Variants in IL2RB observed in about 807,000 individuals in gnomAD.
IL2RB encodes interleukin 2 receptor subunit beta.
IL2RB carries 17 observed loss-of-function variants against 44.2 expected under a neutral mutation model. The ratio of observed to expected loss-of-function variants is 0.38; its 90% CI spans 0.26 to 0.58. The LOEUF (loss-of-function observed/expected upper bound fraction) is 0.58. Among genes scored for constraint, IL2RB ranks in the 20% least tolerant of loss-of-function variants. IL2RB has a pLI of 0.63. For missense variants in IL2RB, 624 were observed against 685.5 expected (o/e 0.91, Z 1.00); for synonymous variants, 286 against 297.9 (o/e 0.96, Z 0.41).
intron 1 of IL2RB, among the ~76,000 whole-genome samples, chr22:37,165,652 G>A (rs760011709): frequency 6.6e-6 from 1 of 152,146 alleles, no homozygotes; most frequent in Non-Finnish European, 1.5e-5. Flanking sequence ...TTCAGGGCAG[G>A]CTTCATGGAG....
chr22:37,139,417 C>T (rs1018664666), intron 4 of IL2RB, among the ~76,000 whole-genome samples, 195 bp from the exon 5 acceptor site: 8 of 152,180 alleles, frequency 5.3e-5, no homozygotes, highest in East Asian at 3.9e-4. Context: ...GTCTCTGTCA[C>T]GATGACTCAA....
chr22:37,142,626 C>T (rs1249430476), intron 3 of IL2RB, 114 bp from the exon 4 acceptor site: 1 of 1,051,288 alleles, frequency 9.5e-7, no homozygotes, highest in Non-Finnish European at 1.5e-6. Flanking sequence ...CAAGGCCAGG[C>T]TGGGGCCCCT....
chr22:37,147,531 T>C (rs985808620), intron 1 of IL2RB, among the ~76,000 whole-genome samples: 7 of 152,226 alleles, frequency 4.6e-5, no homozygotes, highest in Admixed American at 1.3e-4. Flanking sequence ...GCCCAATGGC[T>C]TTATTATCCC....
Position 37,139,161 on chromosome 22 carries a change from C to T in IL2RB, c.344G>A (p.Arg115Gln), listed in dbSNP as rs375543770. Reference protein sequence around the residue: ...TLRVLCREGVRWRVMAIQDFK... With the variant: ...TLRVLCREGVQWRVMAIQDFK... ...GTCCTGGATGGCCATCACCCTCCATCGCACCCCCTCACGGCACAGCACCCT... is the reference window on the plus strand; with the variant it reads ...GTCCTGGATGGCCATCACCCTCCATTGCACCCCCTCACGGCACAGCACCCT... Residue 115 changes from arginine (R) to glutamine (Q), a missense_variant, in exon 5 of 10, where the codon CGA (arginine) becomes CAA (glutamine). By Grantham distance (43) the Arg-to-Gln change is conservative. Transcript: ENST00000216223. The T allele has an allele frequency of 3.4e-5, 55 of 1,613,908 alleles. No individual in the cohort carries two copies. The highest frequency in any genetic ancestry group is 4.5e-5 in the Non-Finnish European group (53 of 1,179,922).
At chr22:37,162,225 C>T (rs1457155489) in intron 1 of IL2RB, among the ~76,000 whole-genome samples, 1 of 152,166 alleles carries the variant, frequency 6.6e-6, no homozygotes, top group Non-Finnish European at 1.5e-5. Flanking sequence ...CCCGCCCCCA[C>T]GGTTTTCTGT....
chr22:37,163,561 C>A (rs1922956395), intron 1 of IL2RB, among the ~76,000 whole-genome samples: 3 of 152,330 alleles, frequency 2.0e-5, no homozygotes, highest in Non-Finnish European at 1.5e-5. Flanking sequence ...GGAAAGTCAT[C>A]CTCTGATTGG....
At chr22:37,150,116 A>ACT (rs1398960028), upstream of IL2RB, 5 of 153,744 alleles carry the variant, frequency 3.3e-5, no homozygotes, top group African/African-American at 4.9e-5. Context: ...ACACACACAC[A>ACT]CACACACACA....
In IL2RB at chr22:37,142,602, A is replaced by G. The variant is rs1306810415; in HGVS notation, c.204-90T>C. On this transcript the variant is annotated intron_variant, in intron 3 of 9. Transcript: ENST00000216223. ...CTTCTCAGATCTCTCTGCTGCCAGG[A>G]TGGCACCAGGCAGCAAGGCCAGGCT... 3.7e-6 allele frequency: 5 copies of G among 1,347,340 alleles called. No individual in the cohort carries two copies. In the African/African-American group the frequency reaches 7.2e-5, roughly 19 times the overall value. 83.5% of individuals were successfully genotyped at this position (1,347,340 alleles called of 1,614,324 possible).
At chr22:37,170,749 G>C (rs376824539) in intron 1 of IL2RB, among the ~76,000 whole-genome samples, 1 of 152,122 alleles carries the variant, frequency 6.6e-6, no homozygotes, top group African/African-American at 2.4e-5. Flanking sequence ...CATTGTCTCC[G>C]CAAACACACA....
chr22:37,148,692 C>T (rs1922344870), intron 1 of IL2RB, among the ~76,000 whole-genome samples: 1 of 152,174 alleles, frequency 6.6e-6, no homozygotes, highest in Admixed American at 6.5e-5. Context: ...GCCCTCCCTA[C>T]AGCCCCATGA....
intron 9 of IL2RB, among the ~76,000 whole-genome samples, chr22:37,130,368 A>G (rs1204274047): frequency 2.0e-5 from 3 of 152,180 alleles, no homozygotes; most frequent in African/African-American, 7.2e-5. Flanking sequence ...TCTGCCCACA[A>G]TGCCCTGAAA....
intron 2 of IL2RB, 33 bp downstream of exon 2, chr22:37,144,052 A>G: frequency 1.9e-6 from 3 of 1,551,562 alleles, no homozygotes; most frequent in Non-Finnish European, 2.6e-6. Flanking sequence ...CTCCATAGGG[A>G]AAGCAGAGCT....
rs190286725 is a variant in IL2RB, at chr22:37,160,884, G to A, written c.-34+14074C>T. On this transcript the variant is annotated intron_variant, in intron 1 of 5. Coordinates refer to the IL2RB transcript ENST00000429622. ...AGACTGGATGCGGTGGCTCACACCT[G>A]TAATCCCAGCATTTTGGGAGGCCAA... Among the ~76,000 whole-genome samples the A allele has an allele frequency of 7.9e-5, 12 of 152,230 alleles. No individual in the cohort carries two copies. The East Asian group carries it at 2.3e-3, about 29-fold the overall frequency.
rs368495599 is a variant in IL2RB, at chr22:37,166,658, A to G, written c.-34+8300T>C. On this transcript the variant is annotated intron_variant, in intron 1 of 5. Transcript: ENST00000429622. ...TCCCTTCAAGAATAATTGAGTTAGA[A>G]AACAGCAGGGCACAATGACAGGTGG... The G allele has an allele frequency of 2.6e-5, 4 of 152,330 alleles. No individual in the cohort carries two copies. The East Asian group carries it at 7.7e-4, about 29-fold the overall frequency. The allele number at this position is 152,330 out of a possible 1,614,324, so 9.4% of individuals were successfully genotyped here. A position where few individuals can be genotyped will look rare whatever the true frequency, so the allele number is the denominator to read the frequency against.
At chr22:37,140,230 TCC>T (rs1381079807) in intron 4 of IL2RB, among the ~76,000 whole-genome samples, 1 of 151,962 alleles carries the variant, frequency 6.6e-6, no homozygotes, top group Non-Finnish European at 1.5e-5. Context: ...ATAGACCCTG[TCC>T]TAGCCTTCTT....
upstream of IL2RB, among the ~76,000 whole-genome samples, chr22:37,151,175 A>C (rs1012681473): frequency 2.0e-5 from 3 of 152,210 alleles, no homozygotes; most frequent in Non-Finnish European, 2.9e-5. Context: ...TGGTTGTACT[A>C]ATTTACATTC....
chr22:37,135,473 A>T, intron 7 of IL2RB, 31 bp from the exon 8 acceptor site: 1 of 1,449,944 alleles, frequency 6.9e-7, no homozygotes, highest in Non-Finnish European at 9.7e-7. Flanking sequence ...CAGCAAGGAG[A>T]GGGGTTAGAG....
chr22:37,158,721 C>T (rs547712091), intron 1 of IL2RB, among the ~76,000 whole-genome samples: 30 of 152,206 alleles, frequency 2.0e-4, no homozygotes, highest in African/African-American at 6.5e-4. Flanking sequence ...GTGTGGCATA[C>T]GTCTGTGAAG....
intron 9 of IL2RB, among the ~76,000 whole-genome samples, chr22:37,129,431 T>TC (rs1244833022): frequency 6.6e-6 from 1 of 151,802 alleles, no homozygotes. Flanking sequence ...GATTCACCTT[T>TC]CCCCCAGTTC....
Sources: gnomAD v4.1 joint callset for allele counts (sites outside exome capture counted in the v4.1 genomes callset) on GRCh38, gnomAD v4.1.1 for gene constraint, MANE v1.5 for transcripts, NCBI Gene and HGNC (gene_info 2026-07-23, HGNC 2026-07-21) for gene names.